CHORDC1: variants seen among roughly 807,000 people sequenced by gnomAD.
CHORDC1 encodes cysteine and histidine rich domain containing 1.
CHORDC1 carries 25 observed loss-of-function variants against 48.3 expected under a neutral mutation model. The ratio of observed to expected loss-of-function variants is 0.52; its 90% CI spans 0.38 to 0.72. The LOEUF (loss-of-function observed/expected upper bound fraction) is 0.72, where lower values mean the gene tolerates loss of function less well. Ranked by LOEUF, CHORDC1 falls within the 30% of genes least tolerant of loss-of-function variation. CHORDC1 has a pLI of 0.00. For synonymous variants in CHORDC1, 128 were observed against 126.4 expected, an observed-to-expected ratio of 1.01 and a Z score of -0.09; for missense variants, 317 against 388.7, an observed-to-expected ratio of 0.82 and a Z score of 1.55.
rs765862177 is a variant in CHORDC1, at chr11:90,202,601, C to T, written c.853-50G>A. The T allele has an allele frequency of 2.3e-5, 37 of 1,584,944 alleles. No individual in the cohort carries two copies. In the East Asian group the frequency reaches 8.1e-4, roughly 34 times the overall value. ...AGGAAACCTCAGTAGTTTTATTAGT[C>T]TCAGAGGAAAACATCAGACTTGCTT... On this transcript the variant is annotated intron_variant, in intron 10 of 10. Transcript: ENST00000320585.
rs779026916 is a variant in CHORDC1, at chr11:90,203,441, G to C, written c.670-14C>G. ...AACTTTTTTCCCCTGTAATGTAAGA[G>C]AAACTCTGTAAGTTAAAAAAGTGCC... On this transcript the variant is annotated splice_polypyrimidine_tract_variant and intron_variant, in intron 8 of 10. Transcript: ENST00000320585. The C allele has an allele frequency of 1.8e-5, 27 of 1,523,832 alleles. No individual in the cohort carries two copies. Among genetic ancestry groups the C allele is most frequent in the Non-Finnish European group, 2.1e-5 (24 of 1,119,016 alleles). The allele number at this position is 1,523,832 out of a possible 1,614,324, so 94.4% of individuals were successfully genotyped here.
At position 90,205,489 on chromosome 11, in the gene CHORDC1, CT is replaced by C; in HGVS notation, c.639del (p.Lys215AsnfsTer43). ...NTFLAQEGCT[K>X]GKHMWTKKDA... is the part of the protein sequence containing the mutation. ...TCTTTTTTAGTCCACATGTGTTTCC[CT>C]TTTGTACAGCCCTCTTGGGCTAAGA... On this transcript the variant is annotated frameshift_variant, in exon 8 of 11. Coordinates refer to ENST00000320585, the MANE Select transcript of CHORDC1 (RefSeq NM_012124.3). LOFTEE classifies it high-confidence loss of function. 6.2e-7 allele frequency: 1 copy of C among 1,607,328 alleles called. No homozygotes were observed. Among genetic ancestry groups the C allele is most frequent in the African/African-American group, 1.3e-5 (1 of 74,652 alleles).
At chr11:90,202,990 C>A in intron 9 of CHORDC1, 115 bp from the exon 10 acceptor site, 2 of 1,263,994 alleles carry the variant, frequency 1.6e-6, no homozygotes, top group South Asian at 1.6e-5. Context: ...TAAGAAACTG[C>A]CAATACTGTA....
At chr11:90,211,446 G>T in intron 4 of CHORDC1, 128 bp from the exon 5 acceptor site, 2 of 645,680 alleles carry the variant, frequency 3.1e-6, no homozygotes, top group Non-Finnish European at 5.5e-6. Context: ...CCCATTAAAA[G>T]GTTAAAAGGT....
At chr11:90,212,712 C>T (rs1261558280) in intron 4 of CHORDC1, 1 of 151,672 alleles carries the variant, frequency 6.6e-6, no homozygotes, top group Non-Finnish European at 1.5e-5. Flanking sequence ...TGCCTTTGTC[C>T]TTTTTTTTCA....
chr11:90,218,423 A>C (rs1012407864), intron 1 of CHORDC1, among the ~76,000 whole-genome samples: 1 of 152,202 alleles, frequency 6.6e-6, no homozygotes, highest in Non-Finnish European at 1.5e-5. Context: ...TTTATGTATA[A>C]CAATTATATT....
At chr11:90,202,789 T>C in intron 10 of CHORDC1, 24 bp downstream of exon 10, 1 of 1,570,482 alleles carries the variant, frequency 6.4e-7, no homozygotes, top group East Asian at 2.3e-5. Context: ...AGAAAAAAAA[T>C]TCTTATAAAT....
At chr11:90,218,247 G>A (rs1020371619) in intron 1 of CHORDC1, 63 bp from the exon 2 acceptor site, 1 of 1,206,590 alleles carries the variant, frequency 8.3e-7, no homozygotes, top group African/African-American at 1.6e-5. Context: ...ATATATACAT[G>A]ATCATCTCCT....
At chr11:90,212,416 C>G (rs1218956181) in intron 4 of CHORDC1, 1 of 152,102 alleles carries the variant, frequency 6.6e-6, no homozygotes, top group Non-Finnish European at 1.5e-5. Flanking sequence ...ACCTCTTTTT[C>G]TTTATAAATC....
At chr11:90,207,779 C>G (rs10830442) in intron 6 of CHORDC1, 1 of 91,304 alleles carries the variant, frequency 1.1e-5, no homozygotes, top group Non-Finnish European at 2.1e-5. Flanking sequence ...AAAAAAAAAA[C>G]AAAAAAAACT....
At chr11:90,211,761 G>T (rs1449722866) in intron 4 of CHORDC1, 1 of 155,072 alleles carries the variant, frequency 6.4e-6, no homozygotes, top group African/African-American at 2.4e-5. Flanking sequence ...GATAATTTAT[G>T]TGGACACTGG....
chr11:90,205,579 C>G lies in CHORDC1; in HGVS notation c.564-14G>C, dbSNP rs777027070. On this transcript the variant is annotated splice_polypyrimidine_tract_variant and intron_variant, in intron 7 of 10. Coordinates refer to ENST00000320585, the MANE Select transcript of CHORDC1 (RefSeq NM_012124.3). ...CAGTATTTCATCCTTTAAATTATCA[C>G]AGAAAAACTTCAGAAATAAAATCTC... 5 of 1,460,188 alleles carry G rather than the reference C, an allele frequency of 3.4e-6. No homozygotes were observed. In the Admixed American group the frequency reaches 6.5e-5, roughly 19 times the overall value. The allele number at this position is 1,460,188 out of a possible 1,614,324, so 90.5% of individuals were successfully genotyped here. A position where few individuals can be genotyped will look rare whatever the true frequency, so the allele number is the denominator to read the frequency against.
At chr11:90,206,699 G>A (rs990278038) in intron 6 of CHORDC1, 2 of 867,668 alleles carry the variant, frequency 2.3e-6, no homozygotes, top group African/African-American at 3.6e-5. Flanking sequence ...GGAAGTTCTA[G>A]AGTGATGGTG....
intron 2 of CHORDC1, chr11:90,216,551 G>A: frequency 2.3e-6 from 1 of 441,502 alleles, no homozygotes; most frequent in Non-Finnish European, 4.5e-6. Context: ...GGAAAGTCTA[G>A]GACTTTAAGA....
chr11:90,200,613 T>C lies in CHORDC1; in HGVS notation c.*1792A>G, dbSNP rs778882421. ...AGAAAGTAAATACCATGGTCACTAA[T>C]GTAACCAGACTAAATATAAAAGCTA... On this transcript the variant is annotated 3_prime_UTR_variant, in exon 11 of 11. Transcript: ENST00000320585. Among the ~76,000 whole-genome samples, 2 of 151,586 alleles carry C rather than the reference T, an allele frequency of 1.3e-5. No homozygotes were observed. Among genetic ancestry groups the C allele is most frequent in the African/African-American group, 2.4e-5 (1 of 41,358 alleles).
intron 1 of CHORDC1, among the ~76,000 whole-genome samples, chr11:90,219,661 C>A (rs1243842105): frequency 1.3e-5 from 2 of 152,176 alleles, no homozygotes; most frequent in African/African-American, 4.8e-5. Context: ...CAGAGCCCAT[C>A]CCTTTATTTC....
chr11:90,210,477 C>A, intron 6 of CHORDC1, 59 bp downstream of exon 6: 1 of 1,067,076 alleles, frequency 9.4e-7, no homozygotes, highest in Admixed American at 2.0e-5. Context: ...CAGCAAACTG[C>A]ACTTTCCTCA....
At chr11:90,211,993 T>C (rs1251844523) in intron 4 of CHORDC1, 1 of 152,200 alleles carries the variant, frequency 6.6e-6, no homozygotes, top group Non-Finnish European at 1.5e-5. Flanking sequence ...AAAAGAGGCA[T>C]TTTAAAAGTA....
At chr11:90,203,521 T>C (rs1423318807) in intron 8 of CHORDC1, 94 bp from the exon 9 acceptor site, 8 of 1,221,098 alleles carry the variant, frequency 6.6e-6, no homozygotes, top group Non-Finnish European at 7.9e-6. Flanking sequence ...AAAACTACCA[T>C]GCACAACAAC....
Sources: gnomAD v4.1 joint callset for allele counts (sites outside exome capture counted in the v4.1 genomes callset) on GRCh38, gnomAD v4.1.1 for gene constraint, MANE v1.5 for transcripts, NCBI Gene and HGNC (gene_info 2026-07-23, HGNC 2026-07-21) for gene names.